The following NUMB variants were observed in gnomAD, a reference collection of about 807,000 sequenced individuals.
NUMB encodes protein numb homolog.
NUMB carries 29 observed loss-of-function variants against 59.7 expected under a neutral mutation model. That is an observed-to-expected ratio of 0.49 (90% CI 0.36 to 0.66). The LOEUF (loss-of-function observed/expected upper bound fraction) is 0.66, where lower values mean the gene tolerates loss of function less well. NUMB is among the 30% of genes least tolerant of loss of function. NUMB has a pLI of 0.00. For missense variants in NUMB, 723 were observed against 822.0 expected (o/e 0.88, Z 1.47); for synonymous variants, 288 against 288.2 (o/e 1.00, Z 0.01).
At chr14:73,310,479 C>T (rs571905535) in intron 6 of NUMB, among the ~76,000 whole-genome samples, 1 of 152,324 alleles carries the variant, frequency 6.6e-6, no homozygotes, top group African/African-American at 2.4e-5. Flanking sequence ...AGACACTTCT[C>T]CATTCATTAT....
In NUMB at chr14:73,276,617, G is replaced by A; in HGVS notation, c.1917C>T (p.Phe639=). ...CAAACGTCTTCTGTAAGTCACTGGA[G>A]AAAGGGTTGGTAGGGGAGGGATTAG... is the stretch of plus-strand genomic sequence containing the variant. The part of the protein sequence containing the change: ...QRTNPSPTNP[F]SSDLQKTFEI... The change falls in exon 13 of 13, where the codon TTC becomes TTT. Residue 639 remains phenylalanine, a synonymous_variant. Transcript: ENST00000555238. The A allele has an allele frequency of 1.9e-6, 3 of 1,613,972 alleles. No homozygotes were observed. Among genetic ancestry groups the A allele is most frequent in the Non-Finnish European group, 2.5e-6 (3 of 1,179,838 alleles).
intron 4 of NUMB, among the ~76,000 whole-genome samples, chr14:73,352,974 G>A (rs1254458145): frequency 6.8e-6 from 1 of 147,664 alleles, no homozygotes; most frequent in African/African-American, 2.5e-5. Context: ...TATGACAGAT[G>A]TTCAAAAAAT....
chr14:73,359,819 AT>A (rs1027494635), intron 3 of NUMB, among the ~76,000 whole-genome samples: 1 of 152,016 alleles, frequency 6.6e-6, no homozygotes, highest in African/African-American at 2.4e-5. Flanking sequence ...ATATTTACAC[AT>A]TATCTCTTCA....
intron 7 of NUMB, among the ~76,000 whole-genome samples, chr14:73,294,950 T>TTAAAAAAAAAAAAA (rs1419411157): frequency 4.1e-5 from 1 of 24,374 alleles, no homozygotes; most frequent in African/African-American, 2.2e-4. Flanking sequence ...AACCCATCTC[T>TTAAAAAAAAAAAAA]AAAAAAAAAA....
chr14:73,336,688 C>T (rs1892335288), intron 4 of NUMB, among the ~76,000 whole-genome samples: 1 of 152,100 alleles, frequency 6.6e-6, no homozygotes, highest in Non-Finnish European at 1.5e-5. Context: ...AATCCAGCCT[C>T]AATTCTGTTA....
intron 5 of NUMB, among the ~76,000 whole-genome samples, chr14:73,318,321 A>G (rs999835724): frequency 2.0e-5 from 3 of 152,250 alleles, no homozygotes; most frequent in Admixed American, 2.0e-4. Context: ...CAAAATGCAT[A>G]AAAAGACAGT....
chr14:73,391,212 G>A lies in NUMB; in HGVS notation c.-101+18725C>T, dbSNP rs189433577. The stretch of plus-strand genomic sequence containing the variant: ...GGACTGTATAAGGAATTAAACCATC[G>A]TGCATAAACATATTTGGTCTCACTG... On this transcript the variant is annotated intron_variant, in intron 2 of 12. Transcript: ENST00000555238. Among the ~76,000 whole-genome samples, 10 of 151,330 alleles carry A rather than the reference G, an allele frequency of 6.6e-5. No individual in the cohort carries two copies. In the East Asian group the frequency reaches 1.4e-3, roughly 21 times the overall value.
chr14:73,401,834 G>A (rs1896432165), intron 2 of NUMB, among the ~76,000 whole-genome samples: 1 of 152,006 alleles, frequency 6.6e-6, no homozygotes. Context: ...CTCCCAGAGT[G>A]CTGGGATTAC....
intron 2 of NUMB, among the ~76,000 whole-genome samples, chr14:73,387,141 C>A (rs1487660032): frequency 6.6e-6 from 1 of 151,870 alleles, no homozygotes; most frequent in Non-Finnish European, 1.5e-5. Flanking sequence ...CTCGGCCTCC[C>A]AAAGTGCTGG....
chr14:73,433,947 G>C (rs1422692022), intron 1 of NUMB, among the ~76,000 whole-genome samples: 4 of 152,072 alleles, frequency 2.6e-5, no homozygotes, highest in African/African-American at 9.7e-5. Flanking sequence ...TACAAAATTA[G>C]CCAGGTGTGG....
At chr14:73,287,807 G>C (rs1889117915) in intron 8 of NUMB, among the ~76,000 whole-genome samples, 1 of 152,198 alleles carries the variant, frequency 6.6e-6, no homozygotes, top group Non-Finnish European at 1.5e-5. Context: ...TCAATTCACT[G>C]TTACAAGCCT....
At position 73,360,684 on chromosome 14, in the gene NUMB, C is replaced by T. The variant is rs371023818; in HGVS notation, c.-15-4918G>A. On this transcript the variant is annotated intron_variant, in intron 3 of 12. Transcript: ENST00000555238. The stretch of plus-strand genomic sequence containing the variant: ...CATTCTCACTCTAGGCCTGTTGTTT[C>T]CTTCTCTCTGAAATACTCTTCTCCC... 4.6e-5 allele frequency among the ~76,000 whole-genome samples: 7 copies of T among 152,252 alleles called. No homozygotes were observed. In the East Asian group the frequency reaches 1.2e-3, roughly 25 times the overall value.
chr14:73,343,221 C>T (rs898615299), intron 4 of NUMB, among the ~76,000 whole-genome samples: 3 of 151,976 alleles, frequency 2.0e-5, no homozygotes, highest in Non-Finnish European at 4.4e-5. Flanking sequence ...GTGACAAGAC[C>T]ATATCTGCAA....
At chr14:73,423,457 A>G (rs1897442554) in intron 1 of NUMB, among the ~76,000 whole-genome samples, 1 of 152,060 alleles carries the variant, frequency 6.6e-6, no homozygotes, top group East Asian at 1.9e-4. Context: ...TGGCACCAAC[A>G]TGGCAAAAGC....
At chr14:73,353,364 G>A (rs1005210929) in intron 4 of NUMB, among the ~76,000 whole-genome samples, 5 of 150,492 alleles carry the variant, frequency 3.3e-5, no homozygotes, top group African/African-American at 1.2e-4. Context: ...TGGGATTACA[G>A]GTGTCAGCCA....
In NUMB at chr14:73,395,349, G is replaced by A. The variant is rs1296442005; in HGVS notation, c.-101+14588C>T. 9.2e-5 allele frequency among the ~76,000 whole-genome samples: 14 copies of A among 152,072 alleles called. 1 individual carries two copies. Among genetic ancestry groups the A allele is most frequent in the Admixed American group, 6.5e-4 (10 of 15,270 alleles). ...ATTTTAAAGGGGTGGTGGGCTGGGC[G>A]TGGTGGCTCATGCCTATAATCCCAA... On this transcript the variant is annotated intron_variant, in intron 2 of 12. Transcript: ENST00000555238.
intron 1 of NUMB, among the ~76,000 whole-genome samples, chr14:73,452,268 G>A (rs992633501): frequency 6.6e-6 from 1 of 152,152 alleles, no homozygotes; most frequent in African/African-American, 2.4e-5. Flanking sequence ...GATGAGGCAG[G>A]AGAATCACCT....
At chr14:73,333,677 GCTT>G (rs1456205176) in intron 4 of NUMB, among the ~76,000 whole-genome samples, 6 of 151,324 alleles carry the variant, frequency 4.0e-5, no homozygotes, top group Non-Finnish European at 8.8e-5. Flanking sequence ...CCATTCTATA[GCTT>G]CTTTTCACTT....
At chr14:73,289,962 T>C (rs1344185945) in intron 8 of NUMB, among the ~76,000 whole-genome samples, 1 of 152,160 alleles carries the variant, frequency 6.6e-6, no homozygotes, top group Non-Finnish European at 1.5e-5. Flanking sequence ...AACATTTAAG[T>C]GCAAATTCTT....
Sources: allele counts gnomAD v4.1 joint callset (sites outside exome capture counted in the v4.1 genomes callset), GRCh38; gene constraint gnomAD v4.1.1; transcripts MANE v1.5; gene names NCBI Gene and HGNC (gene_info 2026-07-23, HGNC 2026-07-21).